PTBP3: variants seen among roughly 807,000 people sequenced by gnomAD.
The protein encoded by PTBP3 is polypyrimidine tract binding protein 3.
A neutral mutation model predicts 58.7 loss-of-function variants in PTBP3; 20 were observed. That is an observed-to-expected ratio of 0.34 (90% CI 0.24 to 0.50). The LOEUF is 0.50. Among genes scored for constraint, PTBP3 ranks in the 20% least tolerant of loss-of-function variants. PTBP3 has a pLI of 0.98. For synonymous variants in PTBP3, 185 were observed against 219.8 expected, an observed-to-expected ratio of 0.84 and a Z score of 1.40; for missense variants, 509 against 637.2, an observed-to-expected ratio of 0.80 and a Z score of 2.17.
chr9:112,221,639 A>G lies in PTBP3; in HGVS notation c.*2212T>C. On this transcript the variant is annotated 3_prime_UTR_variant, in exon 14 of 14. Transcript: ENST00000374257. ...CTAGGTCAAAACTTATTTCATAAGT[A>G]AAAAAACAAAAAACTAAAAACTCCC... The G allele has an allele frequency of 2.0e-6, 2 of 985,268 alleles. No individual in the cohort carries two copies. The highest frequency in any genetic ancestry group is 2.4e-6 in the Non-Finnish European group (2 of 829,808). 61.0% of individuals were successfully genotyped at this position (985,268 alleles called of 1,614,324 possible). A position where few individuals can be genotyped will look rare whatever the true frequency, so the allele number is the denominator to read the frequency against.
intron 11 of PTBP3, 81 bp from the exon 12 acceptor site, chr9:112,227,708 AT>A: frequency 9.4e-7 from 1 of 1,067,290 alleles, no homozygotes; most frequent in Non-Finnish European, 1.4e-6. Context: ...ACCATAAATT[AT>A]TTTTATGTAG....
intron 4 of PTBP3, among the ~76,000 whole-genome samples, chr9:112,266,362 A>T (rs1332609418): frequency 6.6e-6 from 1 of 152,248 alleles, no homozygotes; most frequent in Non-Finnish European, 1.5e-5. Flanking sequence ...GTAAAACATA[A>T]GATATTATTA....
intron 1 of PTBP3, among the ~76,000 whole-genome samples, chr9:112,322,063 A>C (rs1450359507): frequency 7.9e-6 from 1 of 126,452 alleles, no homozygotes; most frequent in Non-Finnish European, 1.6e-5. Flanking sequence ...TAAACCCAGG[A>C]GGTGGAGGCT....
rs1212149060 is a variant in PTBP3, at chr9:112,279,602, A to C, written c.35-3589T>G. ...CACCACAAAAATCAAGACATCCCAA[A>C]AAGTTCCCTAGTATCCCTTTGCAGT... On this transcript the variant is annotated intron_variant, in intron 2 of 13. Transcript: ENST00000374257. Among the ~76,000 whole-genome samples, 5 of 152,162 alleles carry C rather than the reference A, an allele frequency of 3.3e-5. No homozygotes were observed. In the East Asian group the frequency reaches 9.8e-4, roughly 30 times the overall value.
In PTBP3 at chr9:112,232,248, A is replaced by T. The variant is rs776807535; in HGVS notation, c.881-10T>A. 27 of 1,578,998 alleles carry T rather than the reference A, an allele frequency of 1.7e-5. No individual in the cohort carries two copies. Among genetic ancestry groups the T allele is most frequent in the Admixed American group, 5.6e-5 (3 of 53,702 alleles). On this transcript the variant is annotated splice_polypyrimidine_tract_variant and intron_variant, in intron 8 of 13. Transcript: ENST00000374257. Reference sequence around the variant, plus strand: ...GCTGGAACTGATAGACCTTTTAAAAATACCAAAAGCATTTCATATTCTAAT... The same window carrying T: ...GCTGGAACTGATAGACCTTTTAAAATTACCAAAAGCATTTCATATTCTAAT...
the PTBP3 span, among the ~76,000 whole-genome samples, chr9:112,376,144 GGTTCTCTAGAGGATATATATAT>G: frequency 1.0e-5 from 1 of 96,690 alleles, no homozygotes; most frequent in East Asian, 2.8e-4. Flanking sequence ...TATTAGTCAG[GGTTCTCTAGAGGATATATATAT>G]ATATATATAT....
chr9:112,343,206 T>C, the PTBP3 span, among the ~76,000 whole-genome samples: 1 of 83,260 alleles, frequency 1.2e-5, no homozygotes, highest in Non-Finnish European at 2.2e-5. Flanking sequence ...AGATACACTC[T>C]GAACAATTTT....
intron 2 of PTBP3, among the ~76,000 whole-genome samples, chr9:112,295,705 T>C (rs905480270): frequency 6.6e-6 from 1 of 151,876 alleles, no homozygotes; most frequent in African/African-American, 2.4e-5. Context: ...GTGATTTATA[T>C]GGAAAAGTGT....
chr9:112,274,365 G>C (rs917635957), intron 3 of PTBP3, among the ~76,000 whole-genome samples: 16 of 152,126 alleles, frequency 1.1e-4, no homozygotes, highest in Non-Finnish European at 2.1e-4. Flanking sequence ...ATGAAACACA[G>C]TAATACATCA....
intron 1 of PTBP3, among the ~76,000 whole-genome samples, chr9:112,302,872 G>A (rs925658611): frequency 2.0e-5 from 3 of 152,084 alleles, no homozygotes; most frequent in Non-Finnish European, 2.9e-5. Context: ...TTACAGGCGT[G>A]AGCCACCACG....
chr9:112,227,107 G>A (rs1474058338), intron 12 of PTBP3, among the ~76,000 whole-genome samples: 3 of 152,158 alleles, frequency 2.0e-5, no homozygotes, highest in Non-Finnish European at 2.9e-5. Context: ...CAAACAGATG[G>A]ACAAATACGT....
intron 1 of PTBP3, among the ~76,000 whole-genome samples, chr9:112,300,950 C>T (rs1372223449): frequency 6.7e-6 from 1 of 149,432 alleles, no homozygotes; most frequent in East Asian, 2.0e-4. Context: ...AAAATAAAAA[C>T]AAAAAAAATG....
chr9:112,222,278 C>T lies in PTBP3; in HGVS notation c.*1573G>A. Reference sequence around the variant, plus strand: ...TAAAAAGAAACAATTTTACATTATACAATCACTGAAGCAACATTAAAATGT... The same window carrying T: ...TAAAAAGAAACAATTTTACATTATATAATCACTGAAGCAACATTAAAATGT... On this transcript the variant is annotated 3_prime_UTR_variant, in exon 14 of 14. Transcript: ENST00000374257. 1 of 971,078 alleles carries T rather than the reference C, an allele frequency of 1.0e-6. No homozygotes were observed. Among genetic ancestry groups the T allele is most frequent in the African/African-American group, 1.8e-5 (1 of 56,998 alleles). 60.2% of individuals were successfully genotyped at this position (971,078 alleles called of 1,614,324 possible). A position where few individuals can be genotyped will look rare whatever the true frequency, so the allele number is the denominator to read the frequency against.
Position 112,302,374 on chromosome 9 carries a change from T to C in PTBP3, c.-51-4458A>G, listed in dbSNP as rs536017589. Among the ~76,000 whole-genome samples the C allele has an allele frequency of 1.2e-3, 179 of 151,992 alleles. 1 individual carries two copies. The highest frequency in any genetic ancestry group is 4.0e-3 in the African/African-American group (166 of 41,424). On this transcript the variant is annotated intron_variant, in intron 1 of 13. Transcript: ENST00000374257. The stretch of plus-strand genomic sequence containing the variant: ...GAGAAGTCAAAAGCGCAAACACCTT[T>C]CTACCATCCAAACAAGTTACCTGCT...
At chr9:112,328,780 T>TA (rs1564468262) in intron 1 of PTBP3, among the ~76,000 whole-genome samples, 1 of 152,092 alleles carries the variant, frequency 6.6e-6, no homozygotes, top group South Asian at 2.1e-4. Context: ...GTGACAGAGT[T>TA]AAAAACAAAC....
rs367671511 is a variant in PTBP3, at chr9:112,297,793, C to T, written c.34+39G>A. The T allele has an allele frequency of 3.2e-4, 462 of 1,428,910 alleles. 6 individuals carry two copies. In the South Asian group the frequency reaches 5.2e-3, roughly 16 times the overall value. The allele number at this position is 1,428,910 out of a possible 1,614,324, so 88.5% of individuals were successfully genotyped here. A position where few individuals can be genotyped will look rare whatever the true frequency, so the allele number is the denominator to read the frequency against. On this transcript the variant is annotated intron_variant, in intron 2 of 13. Transcript: ENST00000374257. The stretch of plus-strand genomic sequence containing the variant: ...GCATTGTAAAAAAACAATTTGAAAC[C>T]CACAGAAATCAAATATTAAAAAAAA...
intron 8 of PTBP3, among the ~76,000 whole-genome samples, chr9:112,234,437 G>T (rs771785273): frequency 2.0e-5 from 3 of 152,150 alleles, no homozygotes; most frequent in Non-Finnish European, 4.4e-5. Context: ...GGCATTGAAG[G>T]CCCAAAGATA....
chr9:112,325,649 CA>C (rs1328317982), intron 1 of PTBP3, among the ~76,000 whole-genome samples: 4 of 149,082 alleles, frequency 2.7e-5, no homozygotes, highest in Admixed American at 6.7e-5. Context: ...AGATGAATCT[CA>C]AAACCATTTT....
intron 7 of PTBP3, among the ~76,000 whole-genome samples, chr9:112,248,872 G>A (rs1835990062): frequency 6.6e-6 from 1 of 152,274 alleles, no homozygotes; most frequent in South Asian, 2.1e-4. Context: ...ACAATAAAAT[G>A]GATAAACAAA....
Sources: allele counts gnomAD v4.1 joint callset (sites outside exome capture counted in the v4.1 genomes callset), GRCh38; gene constraint gnomAD v4.1.1; transcripts MANE v1.5; gene names NCBI Gene and HGNC (gene_info 2026-07-23, HGNC 2026-07-21).